Variants in PLXDC2 observed in about 807,000 individuals in gnomAD.
PLXDC2 encodes plexin domain containing 2, also known as plexin domain-containing protein 2.
In PLXDC2, 40 loss-of-function variants were observed where a neutral mutation model predicts 68.9. That is an observed-to-expected ratio of 0.58 (90% CI 0.45 to 0.76). PLXDC2 has a LOEUF of 0.76. Among genes scored for constraint, PLXDC2 ranks in the 30% least tolerant of loss-of-function variants. PLXDC2 has a pLI of 0.00. For missense variants in PLXDC2, 644 were observed against 661.9 expected (o/e 0.97, Z 0.30); for synonymous variants, 243 against 234.2 (o/e 1.04, Z -0.34).
At chr10:20,274,412 C>T (rs1278295560) in intron 13 of PLXDC2, among the ~76,000 whole-genome samples, 1 of 152,130 alleles carries the variant, frequency 6.6e-6, no homozygotes, top group Non-Finnish European at 1.5e-5. Context: ...GAACAGTTTT[C>T]ATCTTGCACA....
At chr10:20,133,259 G>C (rs1184180649) in intron 4 of PLXDC2, among the ~76,000 whole-genome samples, 3 of 152,098 alleles carry the variant, frequency 2.0e-5, no homozygotes, top group Non-Finnish European at 4.4e-5. Context: ...TGGAATATAA[G>C]AATAGCTGAG....
chr10:20,184,080 A>T (rs1469245930), intron 9 of PLXDC2, among the ~76,000 whole-genome samples: 1 of 151,950 alleles, frequency 6.6e-6, no homozygotes, highest in Non-Finnish European at 1.5e-5. Context: ...TATTTACAGA[A>T]TAGTAGTATC....
intron 3 of PLXDC2, among the ~76,000 whole-genome samples, chr10:20,065,844 G>A (rs1313219647): frequency 6.6e-6 from 1 of 152,232 alleles, no homozygotes; most frequent in East Asian, 1.9e-4. Context: ...GGGAGTGGCT[G>A]TAAATACTGA....
At chr10:20,242,163 A>T (rs761605008) in intron 12 of PLXDC2, among the ~76,000 whole-genome samples, 9 of 152,150 alleles carry the variant, frequency 5.9e-5, no homozygotes, top group African/African-American at 2.2e-4. Flanking sequence ...ACTGTGTCAT[A>T]CTCTTATAAA....
intron 9 of PLXDC2, among the ~76,000 whole-genome samples, chr10:20,192,576 A>G (rs1190982810): frequency 6.6e-6 from 1 of 151,964 alleles, no homozygotes; most frequent in Non-Finnish European, 1.5e-5. Context: ...AGAATTTGTT[A>G]TTTTTCATGG....
At chr10:19,991,667 C>T (rs1357341475) in intron 1 of PLXDC2, among the ~76,000 whole-genome samples, 4 of 152,054 alleles carry the variant, frequency 2.6e-5, no homozygotes, top group Non-Finnish European at 5.9e-5. Flanking sequence ...ATTCCAACCC[C>T]ACAAACTGAA....
intron 1 of PLXDC2, among the ~76,000 whole-genome samples, chr10:19,915,855 C>CA (rs200373229): frequency 6.3e-5 from 8 of 127,956 alleles, no homozygotes; most frequent in South Asian, 2.6e-4. Context: ...CATGTTAAAC[C>CA]AAAAAAAAAG....
intron 4 of PLXDC2, among the ~76,000 whole-genome samples, chr10:20,088,597 A>G (rs1833232852): frequency 6.6e-6 from 1 of 152,168 alleles, no homozygotes; most frequent in Non-Finnish European, 1.5e-5. Flanking sequence ...ATAGGAAACT[A>G]TTCATAATTT....
At chr10:19,864,615 A>G (rs1402471877) in intron 1 of PLXDC2, among the ~76,000 whole-genome samples, 1 of 152,182 alleles carries the variant, frequency 6.6e-6, no homozygotes, top group Non-Finnish European at 1.5e-5. Flanking sequence ...ATGGGAGAAG[A>G]TGGACCCTAG....
intron 1 of PLXDC2, among the ~76,000 whole-genome samples, chr10:19,838,268 A>G (rs1017128243): frequency 6.6e-6 from 1 of 152,202 alleles, no homozygotes; most frequent in Non-Finnish European, 1.5e-5. Context: ...CGGCTAATAT[A>G]TAACTTTAAA....
intron 1 of PLXDC2, among the ~76,000 whole-genome samples, chr10:19,899,712 C>A (rs1304004580): frequency 1.3e-5 from 2 of 151,804 alleles, no homozygotes; most frequent in South Asian, 4.2e-4. Flanking sequence ...ATATAGTAGC[C>A]AAATATGAAA....
Position 20,068,188 on chromosome 10 carries a change from G to C in PLXDC2, c.490G>C (p.Asp164His). 6.2e-7 allele frequency: 1 copy of C among 1,612,986 alleles called. No homozygotes were observed. Among genetic ancestry groups the C allele is most frequent in the Non-Finnish European group, 8.5e-7 (1 of 1,179,464 alleles). ...TTTGCAGAGAGTGAATCTGTCCTTC[G>C]ATTTTCCATTTTATGGCCACTTCCT... ...RQAARVNLSF[D>H]FPFYGHFLRE... Residue 164 changes from aspartate (D) to histidine (H), a missense_variant, in exon 4 of 14, where the codon GAT becomes CAT. By Grantham distance (81) the Asp-to-His change is moderately conservative (BLOSUM62 -1). Coordinates refer to ENST00000377252, the MANE Select transcript of PLXDC2 (RefSeq NM_032812.9).
At chr10:19,949,553 C>T (rs1353211996) in intron 1 of PLXDC2, among the ~76,000 whole-genome samples, 2 of 152,168 alleles carry the variant, frequency 1.3e-5, no homozygotes, top group African/African-American at 2.4e-5. Context: ...TTTTAGAGTA[C>T]TATTATAACA....
At chr10:20,118,229 C>T (rs1357354635) in intron 4 of PLXDC2, among the ~76,000 whole-genome samples, 1 of 151,844 alleles carries the variant, frequency 6.6e-6, no homozygotes, top group East Asian at 1.9e-4. Context: ...TTTCAGTTTG[C>T]AGTGTCTTAT....
chr10:19,996,586 C>T (rs111277384), intron 1 of PLXDC2, among the ~76,000 whole-genome samples: 39,281 of 151,780 alleles, frequency 0.26, 6,946 homozygotes, highest in African/African-American at 0.51. Context: ...GACCCTGTCT[C>T]TAAAACAAAC....
chr10:19,826,794 C>T (rs766907799), intron 1 of PLXDC2, among the ~76,000 whole-genome samples: 9 of 151,894 alleles, frequency 5.9e-5, no homozygotes, highest in Admixed American at 2.0e-4. Flanking sequence ...TTTTGTTTTA[C>T]GTGAAGTGTG....
intron 1 of PLXDC2, among the ~76,000 whole-genome samples, chr10:19,980,472 C>G (rs931603726): frequency 1.3e-5 from 2 of 152,150 alleles, no homozygotes; most frequent in Non-Finnish European, 2.9e-5. Context: ...GGCAACAAGT[C>G]CATTATCAAG....
intron 1 of PLXDC2, among the ~76,000 whole-genome samples, chr10:19,903,558 T>G (rs1375048118): frequency 6.6e-6 from 1 of 152,002 alleles, no homozygotes; most frequent in Non-Finnish European, 1.5e-5. Context: ...TTATTTGGAT[T>G]TTTTTTCTTT....
rs370483684 is a variant in PLXDC2 at position 19,833,882 on chromosome 10, A to G, written c.112+16691A>G. 2.0e-5 allele frequency among the ~76,000 whole-genome samples: 3 copies of G among 152,312 alleles called. No homozygotes were observed. In the East Asian group the frequency reaches 5.8e-4, roughly 29 times the overall value. On this transcript the variant is annotated intron_variant, in intron 1 of 13. Coordinates refer to ENST00000377252, the MANE Select transcript of PLXDC2 (RefSeq NM_032812.9). ...ATAGAAGATAAGAAATGTCAAAATA[A>G]AAAATGCATACAAATCTTTAAAAAG...
Sources: allele counts gnomAD v4.1 joint callset (sites outside exome capture counted in the v4.1 genomes callset), GRCh38; gene constraint gnomAD v4.1.1; transcripts MANE v1.5; gene names NCBI Gene and HGNC (gene_info 2026-07-23, HGNC 2026-07-21).